Variants in CNTN4 observed in about 807,000 individuals in gnomAD.
CNTN4 encodes contactin-4.
Under a neutral mutation model 122.5 loss-of-function variants are expected in CNTN4, and 77 were observed. That is an observed-to-expected ratio of 0.63 (90% CI 0.52 to 0.76). The LOEUF (loss-of-function observed/expected upper bound fraction) is 0.76. CNTN4 is among the 30% of genes least tolerant of loss of function. The pLI, the probability that CNTN4 is intolerant of heterozygous loss-of-function variation, is 0.00. For missense variants in CNTN4, 1,256 were observed against 1,259.1 expected, an observed-to-expected ratio of 1.00 and a Z score of 0.04; for synonymous variants, 512 against 447.0, an observed-to-expected ratio of 1.15 and a Z score of -1.83.
chr3:2,786,917 A>G (rs1457769441), intron 6 of CNTN4, among the ~76,000 whole-genome samples: 1 of 152,178 alleles, frequency 6.6e-6, no homozygotes, highest in Non-Finnish European at 1.5e-5. Context: ...AAATGCAGTA[A>G]GTAACCTCAG....
At chr3:2,459,348 A>G (rs1236009203) in intron 3 of CNTN4, among the ~76,000 whole-genome samples, 2 of 152,148 alleles carry the variant, frequency 1.3e-5, no homozygotes, top group African/African-American at 4.8e-5. Context: ...GACACATGCC[A>G]TGATATCTCA....
chr3:2,274,481 C>A (rs2041424011), intron 2 of CNTN4, among the ~76,000 whole-genome samples: 1 of 151,420 alleles, frequency 6.6e-6, no homozygotes, highest in South Asian at 2.1e-4. Flanking sequence ...TGTTTGTTTT[C>A]TTTTCACCAA....
chr3:2,224,188 A>T (rs2039174222), intron 2 of CNTN4, among the ~76,000 whole-genome samples: 1 of 152,186 alleles, frequency 6.6e-6, no homozygotes, highest in African/African-American at 2.4e-5. Context: ...AGCCAAATGT[A>T]TGCCAAAGAA....
intron 3 of CNTN4, among the ~76,000 whole-genome samples, chr3:2,403,745 T>G (rs2046937463): frequency 6.6e-6 from 1 of 152,152 alleles, no homozygotes. Flanking sequence ...ATAGTTAATA[T>G]TTATATTCTT....
At chr3:2,935,208 C>T (rs1054147208) in intron 13 of CNTN4, among the ~76,000 whole-genome samples, 10 of 152,110 alleles carry the variant, frequency 6.6e-5, no homozygotes, top group Admixed American at 3.9e-4. Flanking sequence ...GGGTCTGACC[C>T]TTTGCTCTAG....
At chr3:2,145,953 T>TC (rs933580239) in intron 2 of CNTN4, among the ~76,000 whole-genome samples, 5 of 151,704 alleles carry the variant, frequency 3.3e-5, no homozygotes, top group African/African-American at 1.2e-4. Flanking sequence ...CTTAGTTTTT[T>TC]TTTTTTAAAT....
intron 6 of CNTN4, among the ~76,000 whole-genome samples, chr3:2,760,313 A>C (rs2090530046): frequency 6.6e-6 from 1 of 152,188 alleles, no homozygotes; most frequent in African/African-American, 2.4e-5. Flanking sequence ...CTTAGCTGTT[A>C]AATTTAGCTC....
At chr3:2,178,392 A>G (rs980792728) in intron 2 of CNTN4, among the ~76,000 whole-genome samples, 1 of 152,080 alleles carries the variant, frequency 6.6e-6, no homozygotes, top group African/African-American at 2.4e-5. Context: ...TGTGATAGGC[A>G]TCCTACCACA....
chr3:2,818,847 A>C (rs543057043), intron 6 of CNTN4, among the ~76,000 whole-genome samples: 1 of 152,352 alleles, frequency 6.6e-6, no homozygotes, highest in East Asian at 1.9e-4. Context: ...CAAGAACTTT[A>C]AAACAATTGT....
At chr3:2,174,132 T>A (rs1168553900) in intron 2 of CNTN4, among the ~76,000 whole-genome samples, 1 of 152,298 alleles carries the variant, frequency 6.6e-6, no homozygotes, top group East Asian at 1.9e-4. Context: ...CATTTATTTT[T>A]ACTTTTAAGG....
In CNTN4 at chr3:2,204,529, A is replaced by G. The variant is rs531291303; in HGVS notation, c.-145+103890A>G. On this transcript the variant is annotated intron_variant, in intron 2 of 24. Coordinates refer to ENST00000418658, the MANE Select transcript of CNTN4 (RefSeq NM_175607.3). ...TTGGTTAAGCAAAGTAAAACTTCTG[A>G]ATGGCTTTTGAAACTGTACACAAAA... is the stretch of plus-strand genomic sequence containing the variant. Among the ~76,000 whole-genome samples the G allele has an allele frequency of 3.9e-5, 6 of 152,314 alleles. No individual in the cohort carries two copies. The South Asian group carries it at 1.2e-3, about 32-fold the overall frequency.
At chr3:2,880,766 C>A (rs1251070241) in intron 8 of CNTN4, among the ~76,000 whole-genome samples, 7 of 152,134 alleles carry the variant, frequency 4.6e-5, no homozygotes, top group Non-Finnish European at 1.0e-4. Flanking sequence ...GAGTCAGGGG[C>A]CTGAGTTTCA....
At chr3:2,329,882 C>A (rs1378200167) in intron 2 of CNTN4, among the ~76,000 whole-genome samples, 2 of 152,124 alleles carry the variant, frequency 1.3e-5, no homozygotes, top group East Asian at 3.9e-4. Context: ...CTAAACATGC[C>A]ACACTTTTTG....
chr3:2,598,824 G>A (rs945114228), intron 4 of CNTN4, among the ~76,000 whole-genome samples: 18 of 151,664 alleles, frequency 1.2e-4, no homozygotes, highest in African/African-American at 3.9e-4. Flanking sequence ...CATGAAAGGG[G>A]TATTAAAGAT....
Position 3,037,212 on chromosome 3 carries a change from CG to C in CNTN4, c.1977del (p.Thr660ProfsTer5). ...CTCATTGATGGGAAGACATTCACAG[CG>C]ACCGTGGTGGGTTTGAACCCTTGGG... ...PELIDGKTFT[A>X]TVVGLNPWVE... On this transcript the variant is annotated frameshift_variant, in exon 18 of 25. Transcript: ENST00000418658. LOFTEE classifies it high-confidence loss of function. The C allele has an allele frequency of 6.2e-7, 1 of 1,614,196 alleles. No individual in the cohort carries two copies. Among genetic ancestry groups the C allele is most frequent in the South Asian group, 1.1e-5 (1 of 91,086 alleles).
intron 2 of CNTN4, among the ~76,000 whole-genome samples, chr3:2,280,779 A>G (rs757282758): frequency 2.0e-5 from 3 of 152,190 alleles, no homozygotes; most frequent in Non-Finnish European, 4.4e-5. Context: ...GCTCCTGAAA[A>G]AATTGTTCCA....
At chr3:3,008,246 C>A (rs1169450821) in intron 14 of CNTN4, among the ~76,000 whole-genome samples, 1 of 152,014 alleles carries the variant, frequency 6.6e-6, no homozygotes, top group Non-Finnish European at 1.5e-5. Context: ...GCTAATGCCT[C>A]GTATCCAGAC....
intron 10 of CNTN4, among the ~76,000 whole-genome samples, chr3:2,890,734 A>C (rs1209235498): frequency 1.3e-5 from 2 of 152,210 alleles, no homozygotes; most frequent in African/African-American, 4.8e-5. Context: ...CATGTCTTTA[A>C]GTTACCCTGT....
intron 4 of CNTN4, among the ~76,000 whole-genome samples, chr3:2,604,982 A>C (rs1027902732): frequency 6.6e-6 from 1 of 151,996 alleles, no homozygotes; most frequent in South Asian, 2.1e-4. Context: ...ACTTATTAAT[A>C]TTTTGCATAA....
Sources: allele counts gnomAD v4.1 joint callset (sites outside exome capture counted in the v4.1 genomes callset), GRCh38; gene constraint gnomAD v4.1.1; transcripts MANE v1.5; gene names NCBI Gene and HGNC (gene_info 2026-07-23, HGNC 2026-07-21).